CAST: variants seen among roughly 807,000 people sequenced by gnomAD.
CAST encodes MIR583 host.
In CAST, 76 loss-of-function variants were observed where a neutral mutation model predicts 119.6. The observed-to-expected ratio is 0.64, with a 90% confidence interval of 0.53 to 0.77. CAST has a LOEUF of 0.77. CAST is among the 30% of genes least tolerant of loss of function. CAST has a pLI of 0.00. For missense variants in CAST, 953 were observed against 946.5 expected (o/e 1.01, Z -0.09); for synonymous variants, 319 against 331.6 (o/e 0.96, Z 0.41).
chr5:96,026,213 G>GTCT, the CAST span, among the ~76,000 whole-genome samples: 3 of 152,162 alleles, frequency 2.0e-5, no homozygotes, highest in African/African-American at 7.2e-5. Context: ...GTGAGACCCT[G>GTCT]TCTTAAATCA....
At chr5:96,408,162 G>C in the CAST span, 2 of 1,193,292 alleles carry the variant, frequency 1.7e-6, no homozygotes, top group Non-Finnish European at 2.5e-6. Context: ...AAAAAAAAGT[G>C]TTATTAAAAA....
At chr5:96,125,837 C>G in the CAST span, among the ~76,000 whole-genome samples, 1 of 152,124 alleles carries the variant, frequency 6.6e-6, no homozygotes. Flanking sequence ...CCCTTTCTTC[C>G]TTTCCAAACC....
the CAST span, among the ~76,000 whole-genome samples, chr5:96,244,498 T>C: frequency 3.3e-5 from 5 of 151,970 alleles, no homozygotes; most frequent in Admixed American, 6.5e-5. Flanking sequence ...CACAGTAGCA[T>C]TAATTCTTTA....
In CAST at chr5:96,662,975, AC is replaced by A. The variant is rs1172195929; in HGVS notation, c.75+483del. On this transcript the variant is annotated intron_variant, in intron 1 of 31. Coordinates refer to ENST00000675179, the MANE Select transcript of CAST (RefSeq NM_001750.7). ...AGGGGCGGGGCCTGCGCCGGGCCCC[AC>A]CCCCAGGGTTCTGCCCACCTGGCAG... 57 of 605,738 alleles carry A rather than the reference AC, an allele frequency of 9.4e-5. No individual in the cohort carries two copies. The South Asian group carries it at 9.9e-4, about 10-fold the overall frequency. The allele number at this position is 605,738 out of a possible 1,614,324, so 37.5% of individuals were successfully genotyped here.
the CAST span, among the ~76,000 whole-genome samples, chr5:96,517,154 T>A: frequency 1.3e-5 from 2 of 152,110 alleles, no homozygotes; most frequent in African/African-American, 2.4e-5. Flanking sequence ...TTTTTTTTTT[T>A]AACTAAGAAT....
chr5:96,412,263 C>T, the CAST span: 2 of 1,253,886 alleles, frequency 1.6e-6, no homozygotes, highest in East Asian at 4.9e-5. Flanking sequence ...TTTCCTTCTC[C>T]TCATATCCAG....
chr5:96,770,695 A>G (rs1047205164), intron 30 of CAST, 93 bp downstream of exon 30: 14 of 841,718 alleles, frequency 1.7e-5, no homozygotes, highest in Non-Finnish European at 2.6e-5. Context: ...ACTGGAATCT[A>G]TTTAGAATAA....
At chr5:96,503,113 A>T in the CAST span, among the ~76,000 whole-genome samples, 2 of 152,226 alleles carry the variant, frequency 1.3e-5, no homozygotes, top group Non-Finnish European at 2.9e-5. Flanking sequence ...TCTTCAGAGT[A>T]CTGTAATACC....
chr5:96,535,992 T>C (rs879262517), intron 1 of CAST, among the ~76,000 whole-genome samples: 14 of 151,766 alleles, frequency 9.2e-5, no homozygotes, highest in Admixed American at 9.2e-4. Context: ...TTTAAATCTT[T>C]TAACTATATG....
the CAST span, among the ~76,000 whole-genome samples, chr5:96,443,276 C>T: frequency 4.6e-5 from 7 of 152,158 alleles, no homozygotes; most frequent in South Asian, 2.1e-4. Flanking sequence ...CCTGAAAGTA[C>T]ATTTTAAAAC....
At chr5:96,748,707 A>C in intron 19 of CAST, 94 bp downstream of exon 19, 1 of 629,254 alleles carries the variant, frequency 1.6e-6, no homozygotes, top group African/African-American at 1.9e-5. Flanking sequence ...GCAGTCTGTT[A>C]GAAAGCCCAA....
the CAST span, among the ~76,000 whole-genome samples, chr5:96,295,678 T>C: frequency 2.0e-5 from 3 of 152,182 alleles, no homozygotes; most frequent in Non-Finnish European, 2.9e-5. Context: ...GGGGATTTAT[T>C]TGAAATTTTT....
chr5:96,610,805 G>A (rs1747346609), intron 1 of CAST, among the ~76,000 whole-genome samples: 1 of 152,116 alleles, frequency 6.6e-6, no homozygotes, highest in Admixed American at 6.6e-5. Context: ...AGACCTGATA[G>A]AAAACTTCAG....
chr5:96,113,609 G>A, the CAST span, among the ~76,000 whole-genome samples: 1 of 152,230 alleles, frequency 6.6e-6, no homozygotes, highest in African/African-American at 2.4e-5. Context: ...CACCCAGAGG[G>A]CAAAAGACGC....
chr5:96,667,051 CG>C (rs1365864365), intron 1 of CAST, among the ~76,000 whole-genome samples: 1 of 151,758 alleles, frequency 6.6e-6, no homozygotes, highest in East Asian at 1.9e-4. Context: ...ACCATAAAGG[CG>C]GGGGGCAGGG....
chr5:96,108,569 C>T, the CAST span, among the ~76,000 whole-genome samples: 8 of 152,370 alleles, frequency 5.3e-5, no homozygotes, highest in South Asian at 6.2e-4. Flanking sequence ...CTTGAGGAGG[C>T]AGTGTGCCTG....
At chr5:96,662,726 T>C (rs1424215090) in intron 1 of CAST, among the ~76,000 whole-genome samples, 1 of 149,786 alleles carries the variant, frequency 6.7e-6, no homozygotes, top group African/African-American at 2.5e-5. Context: ...CCGGGTAGAG[T>C]GGAGGGGGGG....
At chr5:96,101,156 C>T in the CAST span, among the ~76,000 whole-genome samples, 1 of 152,200 alleles carries the variant, frequency 6.6e-6, no homozygotes, top group Non-Finnish European at 1.5e-5. Context: ...AGTGATCCTT[C>T]TGCCTTGGCC....
the CAST span, among the ~76,000 whole-genome samples, chr5:96,220,611 A>T: frequency 6.6e-6 from 1 of 152,202 alleles, no homozygotes; most frequent in Non-Finnish European, 1.5e-5. Flanking sequence ...ACTCTGTTTC[A>T]AACATTATTT....
Sources: allele counts gnomAD v4.1 joint callset (sites outside exome capture counted in the v4.1 genomes callset), GRCh38; gene constraint gnomAD v4.1.1; transcripts MANE v1.5; gene names NCBI Gene and HGNC (gene_info 2026-07-23, HGNC 2026-07-21).